Variants in GIGYF1 observed in about 807,000 individuals in gnomAD.
GIGYF1 encodes GRB10-interacting GYF protein 1.
A neutral mutation model predicts 147.1 loss-of-function variants in GIGYF1; 84 were observed. That is an observed-to-expected ratio of 0.57 (90% CI 0.48 to 0.68). GIGYF1 has a LOEUF of 0.68. Ranked by LOEUF, GIGYF1 falls within the 30% of genes least tolerant of loss-of-function variation. The probability of loss-of-function intolerance (pLI) is 0.00; values close to 1 mark genes in which losing one functional copy is unlikely to be tolerated. For synonymous variants in GIGYF1, 752 were observed against 589.5 expected, an observed-to-expected ratio of 1.28 and a Z score of -3.99; for missense variants, 1,485 against 1,393.7, an observed-to-expected ratio of 1.07 and a Z score of -1.04.
chr7:100,685,748 A>G, intron 12 of GIGYF1, among the ~76,000 whole-genome samples: 1 of 152,136 alleles, frequency 6.6e-6, no homozygotes, highest in Non-Finnish European at 1.5e-5. Flanking sequence ...CAGCTTCTTC[A>G]AGGGACTTTC....
In GIGYF1 at chr7:100,683,779, G is replaced by A. The variant is rs1248580229; in HGVS notation, c.1969+39C>T. The A allele has an allele frequency of 3.8e-6, 6 of 1,576,152 alleles. 1 individual carries two copies. Among genetic ancestry groups the A allele is most frequent in the Non-Finnish European group, 5.2e-6 (6 of 1,154,090 alleles). ...CAGACCCCAGACCCCATTTCACCCGGAGACTGCCTTGGGGGTGGGGACCAG... is the reference window on the plus strand; with the variant it reads ...CAGACCCCAGACCCCATTTCACCCGAAGACTGCCTTGGGGGTGGGGACCAG... On this transcript the variant is annotated intron_variant, in intron 19 of 26. Coordinates refer to ENST00000678049, the MANE Select transcript of GIGYF1 (RefSeq NM_001375765.1).
chr7:100,685,603 C>T, intron 12 of GIGYF1, 122 bp from the exon 13 acceptor site: 1 of 1,096,428 alleles, frequency 9.1e-7, no homozygotes, highest in Non-Finnish European at 1.3e-6. Context: ...TCCACCACTT[C>T]ACTTGGGTCA....
chr7:100,690,116 A>C (rs1805713392), intron 1 of GIGYF1, among the ~76,000 whole-genome samples: 1 of 152,246 alleles, frequency 6.6e-6, no homozygotes, highest in African/African-American at 2.4e-5. Context: ...TAAAGTCTCC[A>C]AATTTTGTTG....
chr7:100,682,982 G>A, intron 22 of GIGYF1, 30 bp downstream of exon 22: 1 of 1,455,340 alleles, frequency 6.9e-7, no homozygotes, highest in Non-Finnish European at 9.1e-7. Context: ...AAACTGTAGG[G>A]GGAGCCCGGG....
At position 100,686,835 on chromosome 7, in the gene GIGYF1, A is replaced by T; in HGVS notation, c.524-16T>A. On this transcript the variant is annotated splice_polypyrimidine_tract_variant and intron_variant, in intron 9 of 26. Transcript: ENST00000678049. Reference sequence around the variant, plus strand: ...CCACATCGTGCTGGGAGACGGGAAGACAGGGGCAGTTATTAGAAAGGCAGC... The same window carrying T: ...CCACATCGTGCTGGGAGACGGGAAGTCAGGGGCAGTTATTAGAAAGGCAGC... 1 of 1,613,166 alleles carries T rather than the reference A, an allele frequency of 6.2e-7. No homozygotes were observed. Among genetic ancestry groups the T allele is most frequent in the Non-Finnish European group, 8.5e-7 (1 of 1,179,446 alleles).
chr7:100,681,504 TAAAAAAAAAAA>T lies in GIGYF1; in HGVS notation c.*204_*214del. ...AATGTTTTCTTCAGTCGTTTAAAAT[TAAAAAAAAAAA>T]TAAAAAGAAAAACCCCCTCCCCCAG... On this transcript the variant is annotated 3_prime_UTR_variant, in exon 27 of 27. Coordinates refer to ENST00000678049, the MANE Select transcript of GIGYF1 (RefSeq NM_001375765.1). 1 of 349,014 alleles carries T rather than the reference TAAAAAAAAAAA, an allele frequency of 2.9e-6. No individual in the cohort carries two copies. The highest frequency in any genetic ancestry group is 5.1e-6 in the Non-Finnish European group (1 of 194,298). 21.6% of individuals were successfully genotyped at this position (349,014 alleles called of 1,614,324 possible).
At position 100,694,196 on chromosome 7, in the gene GIGYF1, G is replaced by A. The variant is rs1806066903; in HGVS notation, c.-1185C>T. On this transcript the variant is annotated 5_prime_UTR_variant, in exon 1 of 27. Coordinates refer to ENST00000678049, the MANE Select transcript of GIGYF1 (RefSeq NM_001375765.1). ...GACGGCGACGGCGGCTAGCAGCGGG[G>A]GAGGGGGCGCTGGCGCTCCCGCGGC... Among the ~76,000 whole-genome samples, 4 of 146,036 alleles carry A rather than the reference G, an allele frequency of 2.7e-5. No individual in the cohort carries two copies. The South Asian group carries it at 8.4e-4, about 30-fold the overall frequency.
At chr7:100,683,775 C>A (rs1297450912) in intron 19 of GIGYF1, 43 bp downstream of exon 19, 1 of 1,575,880 alleles carries the variant, frequency 6.3e-7, no homozygotes, top group Non-Finnish European at 8.7e-7. Flanking sequence ...CCCCATTTCA[C>A]CCGGAGACTG....
intron 8 of GIGYF1, 23 bp downstream of exon 8, chr7:100,687,275 G>A (rs746765146): frequency 2.0e-5 from 32 of 1,601,126 alleles, no homozygotes; most frequent in South Asian, 8.8e-5. Context: ...CCGGCTCTGC[G>A]CCATGCCCCC....
At chr7:100,686,499 G>A (rs1805355378) in intron 10 of GIGYF1, 66 bp from the exon 11 acceptor site, 2 of 1,526,952 alleles carry the variant, frequency 1.3e-6, no homozygotes, top group South Asian at 1.3e-5. Flanking sequence ...CCCCTCTGCT[G>A]CAGCTCACGG....
Position 100,687,035 on chromosome 7 carries a change from C to T in GIGYF1, c.494G>A (p.Arg165Gln). The T allele has an allele frequency of 3.7e-6, 6 of 1,613,878 alleles. No individual in the cohort carries two copies. Among genetic ancestry groups the T allele is most frequent in the Non-Finnish European group, 5.1e-6 (6 of 1,180,024 alleles). Residue 165 changes from arginine (R) to glutamine (Q), a missense_variant, in exon 9 of 27, where the codon CGG (arginine) becomes CAG (glutamine). Coordinates refer to ENST00000678049, the MANE Select transcript of GIGYF1 (RefSeq NM_001375765.1). Reference protein sequence around the residue: ...SQSWDDRGERRFEKSARRDGA... With the variant: ...SQSWDDRGERQFEKSARRDGA... ...ATCCCGCCTTGCTGACTTCTCAAAC[C>T]GCCTCTCGCCTCTGCAGCAGGGGAA...
In GIGYF1 at chr7:100,682,499, A is replaced by C. The variant is rs762929919; in HGVS notation, c.2601-17T>G. 6 of 1,608,936 alleles carry C rather than the reference A, an allele frequency of 3.7e-6. No individual in the cohort carries two copies. In the South Asian group the frequency reaches 4.4e-5, roughly 12 times the overall value. ...TATGAGTCACTGAAGGGGGAGGGTG[A>C]GTCAGGGTTGGAAATCAGCTGGCAG... On this transcript the variant is annotated splice_polypyrimidine_tract_variant and intron_variant, in intron 23 of 26. Transcript: ENST00000678049.
chr7:100,686,189 CAAG>C lies in GIGYF1; in HGVS notation c.936_938del (p.Phe312del), dbSNP rs1805321032. The stretch of plus-strand genomic sequence containing the variant: ...GCCTCCTCACAGATACCTTGAGAGG[CAAG>C]AAGGCCCCAGAGGCATCAAAGGTGC... On this transcript the variant is annotated inframe_deletion, in exon 11 of 27. Coordinates refer to ENST00000678049, the MANE Select transcript of GIGYF1 (RefSeq NM_001375765.1). 6.2e-7 allele frequency: 1 copy of C among 1,608,588 alleles called. No individual in the cohort carries two copies. The highest frequency in any genetic ancestry group is 8.5e-7 in the Non-Finnish European group (1 of 1,177,074).
At chr7:100,692,813 C>T (rs1480781393) in intron 1 of GIGYF1, among the ~76,000 whole-genome samples, 2 of 152,158 alleles carry the variant, frequency 1.3e-5, no homozygotes, top group Non-Finnish European at 2.9e-5. Context: ...CACGACAGAC[C>T]GCTGGGGGAC....
chr7:100,687,643 G>A (rs1805500563), intron 6 of GIGYF1, 27 bp from the exon 7 acceptor site: 1 of 1,570,494 alleles, frequency 6.4e-7, no homozygotes, highest in Non-Finnish European at 8.7e-7. Context: ...GGGCGGGAGT[G>A]AGGACCCAGG....
Position 100,683,185 on chromosome 7 carries a change from CCTG to C in GIGYF1, c.2236_2238del (p.Gln746del), listed in dbSNP as rs757629443. 3 of 1,607,154 alleles carry C rather than the reference CCTG, an allele frequency of 1.9e-6. No individual in the cohort carries two copies. Among genetic ancestry groups the C allele is most frequent in the Non-Finnish European group, 2.5e-6 (3 of 1,179,430 alleles). On this transcript the variant is annotated inframe_deletion, in exon 22 of 27. Coordinates refer to ENST00000678049, the MANE Select transcript of GIGYF1 (RefSeq NM_001375765.1). ...CTGGGTGCGGGGGGCACAGGGACCG[CCTG>C]CTGCTGCTGTAGCAACTTCAGCAAT...
At chr7:100,682,292 C>A (rs1272926496) in intron 24 of GIGYF1, 30 bp downstream of exon 24, 3 of 1,608,698 alleles carry the variant, frequency 1.9e-6, no homozygotes, top group Middle Eastern at 1.7e-4. Flanking sequence ...GACCCAGGTC[C>A]CGCCCACCTC....
intron 7 of GIGYF1, 39 bp from the exon 8 acceptor site, chr7:100,687,445 C>T (rs755151153): frequency 2.5e-6 from 4 of 1,608,264 alleles, no homozygotes; most frequent in Middle Eastern, 1.7e-4. Context: ...ACCTGCTGCA[C>T]GTTCTCGAAG....
intron 6 of GIGYF1, 72 bp downstream of exon 6, chr7:100,687,716 C>G: frequency 6.5e-7 from 1 of 1,534,228 alleles, no homozygotes. Context: ...AGCGCTGGCC[C>G]CTCTCCTCCT....
Sources: allele counts gnomAD v4.1 joint callset (sites outside exome capture counted in the v4.1 genomes callset), GRCh38; gene constraint gnomAD v4.1.1; transcripts MANE v1.5; gene names NCBI Gene and HGNC (gene_info 2026-07-23, HGNC 2026-07-21).